PTPRN2: variants seen among roughly 807,000 people sequenced by gnomAD.
PTPRN2 encodes receptor-type tyrosine-protein phosphatase N2.
Under a neutral mutation model 118.8 loss-of-function variants are expected in PTPRN2, and 74 were observed. The observed-to-expected ratio is 0.62, with a 90% confidence interval of 0.52 to 0.76. The LOEUF (loss-of-function observed/expected upper bound fraction) is 0.76, where lower values mean the gene tolerates loss of function less well. Among genes scored for constraint, PTPRN2 ranks in the 30% least tolerant of loss-of-function variants. The pLI, the probability that PTPRN2 is intolerant of heterozygous loss-of-function variation, is 0.00. For missense variants in PTPRN2, 1,481 were observed against 1,394.4 expected, an observed-to-expected ratio of 1.06 and a Z score of -0.99; for synonymous variants, 641 against 608.0, an observed-to-expected ratio of 1.05 and a Z score of -0.80.
rs191181035 is a variant in PTPRN2 at position 158,358,002 on chromosome 7, T to C, written c.164-41070A>G. Among the ~76,000 whole-genome samples the C allele has an allele frequency of 5.9e-5, 9 of 152,384 alleles. No individual in the cohort carries two copies. In the East Asian group the frequency reaches 1.7e-3, roughly 29 times the overall value. On this transcript the variant is annotated intron_variant, in intron 2 of 22. Coordinates refer to ENST00000389418, the MANE Select transcript of PTPRN2 (RefSeq NM_002847.5). ...GTCTCTGTTTCTCTCTTTCTGTCTCTGTCTCTCTCTTTTTCTCTCTCTGGC... is the reference window on the plus strand; with the variant it reads ...GTCTCTGTTTCTCTCTTTCTGTCTCCGTCTCTCTCTTTTTCTCTCTCTGGC...
intron 1 of PTPRN2, among the ~76,000 whole-genome samples, chr7:158,513,603 C>T (rs1823326593): frequency 8.4e-6 from 1 of 118,598 alleles, no homozygotes; most frequent in African/African-American, 3.4e-5. Context: ...TAAAACTGTC[C>T]TGAAAAATAG....
chr7:157,938,905 T>C (rs1399279836), intron 11 of PTPRN2, among the ~76,000 whole-genome samples: 1 of 152,190 alleles, frequency 6.6e-6, no homozygotes, highest in East Asian at 1.9e-4. Context: ...ATATCAGTGC[T>C]GAAGTAAGGA....
chr7:157,575,799 T>A (rs538974578), intron 19 of PTPRN2, among the ~76,000 whole-genome samples: 46 of 152,362 alleles, frequency 3.0e-4, no homozygotes, highest in African/African-American at 1.1e-3. Context: ...CTTGTTTGGA[T>A]ATTTGTCTCT....
chr7:158,569,552 C>T (rs865933877), intron 1 of PTPRN2, among the ~76,000 whole-genome samples: 1 of 152,208 alleles, frequency 6.6e-6, no homozygotes, highest in Non-Finnish European at 1.5e-5. Context: ...CTGCTGGGCC[C>T]CTCACCAGGA....
At chr7:158,277,109 G>GCA (rs373983324) in intron 3 of PTPRN2, among the ~76,000 whole-genome samples, 14 of 148,254 alleles carry the variant, frequency 9.4e-5, no homozygotes, top group Non-Finnish European at 1.5e-4. Context: ...TCACACACGT[G>GCA]CACACACACA....
At chr7:157,708,100 C>T (rs1329154588) in intron 12 of PTPRN2, among the ~76,000 whole-genome samples, 2 of 152,250 alleles carry the variant, frequency 1.3e-5, no homozygotes, top group African/African-American at 4.8e-5. Context: ...GGAAGGGTCC[C>T]TGTAAGCAGG....
chr7:158,548,321 A>G (rs1406489884), intron 1 of PTPRN2, among the ~76,000 whole-genome samples: 1 of 152,216 alleles, frequency 6.6e-6, no homozygotes, highest in Non-Finnish European at 1.5e-5. Context: ...TTACCAGGAA[A>G]TGTTAGCAGA....
chr7:158,521,092 G>A (rs140664613), intron 1 of PTPRN2, among the ~76,000 whole-genome samples: 11 of 152,328 alleles, frequency 7.2e-5, no homozygotes, highest in Admixed American at 5.9e-4. Flanking sequence ...TCCTGCAGAC[G>A]CAGTGACTTC....
chr7:158,206,982 CAG>C (rs1194849733), intron 3 of PTPRN2, among the ~76,000 whole-genome samples: 1 of 130,578 alleles, frequency 7.7e-6, no homozygotes, highest in Non-Finnish European at 1.6e-5. Flanking sequence ...CAACAGTCCC[CAG>C]AGTGTGATGT....
At chr7:158,154,864 A>C (rs937791619) in intron 6 of PTPRN2, among the ~76,000 whole-genome samples, 1 of 152,208 alleles carries the variant, frequency 6.6e-6, no homozygotes, top group African/African-American at 2.4e-5. Context: ...CCACACACAC[A>C]GCATTTTATG....
chr7:158,118,769 G>A lies in PTPRN2; in HGVS notation c.1557-7854C>T, dbSNP rs564193251. Among the ~76,000 whole-genome samples the A allele has an allele frequency of 1.5e-4, 23 of 152,156 alleles. 1 individual carries two copies. The highest frequency in any genetic ancestry group is 3.4e-4 in the African/African-American group (14 of 41,494). ...CAGGCTGGAGTGCAGTGGCATGATCGTTGCTCACTGCAGCCTCAACCTTTC... is the reference window on the plus strand; with the variant it reads ...CAGGCTGGAGTGCAGTGGCATGATCATTGCTCACTGCAGCCTCAACCTTTC... On this transcript the variant is annotated intron_variant, in intron 9 of 22. Transcript: ENST00000389418.
intron 10 of PTPRN2, among the ~76,000 whole-genome samples, chr7:158,097,757 T>A (rs1390289376): frequency 6.6e-6 from 1 of 152,228 alleles, no homozygotes; most frequent in East Asian, 1.9e-4. Context: ...CACATGCTAA[T>A]GCAGTTTTAA....
At chr7:158,296,729 C>T (rs933052171) in intron 3 of PTPRN2, among the ~76,000 whole-genome samples, 9 of 152,236 alleles carry the variant, frequency 5.9e-5, no homozygotes, top group South Asian at 2.1e-4. Flanking sequence ...CTCCATCGCA[C>T]GCCCTGTGAG....
intron 11 of PTPRN2, among the ~76,000 whole-genome samples, chr7:157,909,339 C>T (rs924052020): frequency 2.6e-5 from 4 of 152,282 alleles, no homozygotes; most frequent in Non-Finnish European, 5.9e-5. Context: ...CACTTGCCCT[C>T]TGGCCTTGGG....
At chr7:157,797,128 T>C (rs28431385) in intron 12 of PTPRN2, among the ~76,000 whole-genome samples, 3,775 of 152,312 alleles carry the variant, frequency 0.025, 160 homozygotes, top group African/African-American at 0.086. Context: ...CCCACGGCTG[T>C]GTCATCCCGG....
At chr7:157,737,004 C>T (rs1246105874) in intron 12 of PTPRN2, among the ~76,000 whole-genome samples, 7 of 152,138 alleles carry the variant, frequency 4.6e-5, no homozygotes, top group East Asian at 1.9e-4. Context: ...AGAGGCTTCC[C>T]GAGTCTCCCG....
At chr7:158,424,037 G>A (rs2129424500) in intron 2 of PTPRN2, among the ~76,000 whole-genome samples, 1 of 152,230 alleles carries the variant, frequency 6.6e-6, no homozygotes, top group African/African-American at 2.4e-5. Flanking sequence ...CAGCTCCAAG[G>A]TCTCCGAGCA....
rs17853262 is a variant in PTPRN2, at chr7:157,656,375, G to A, written c.2178C>T (p.Ser726=). The A allele has an allele frequency of 6.4e-7, 1 of 1,550,908 alleles. No homozygotes were observed. The highest frequency in any genetic ancestry group is 1.2e-5 in the South Asian group (1 of 84,106). ...EEPVQSNMDI[S]TGHMILSYME... Reference sequence around the variant, plus strand: ...GGCTTACCAGGATCATGTGGCCGGTGGAGATGTCCATGTTGGACTGCACAG... The same window carrying A: ...GGCTTACCAGGATCATGTGGCCGGTAGAGATGTCCATGTTGGACTGCACAG... Residue 726 remains serine (S), a synonymous_variant, in exon 14 of 23, where the codon TCC becomes TCT. Coordinates refer to ENST00000389418, the MANE Select transcript of PTPRN2 (RefSeq NM_002847.5).
At chr7:157,965,888 TG>T (rs980758871) in intron 11 of PTPRN2, among the ~76,000 whole-genome samples, 50 of 152,268 alleles carry the variant, frequency 3.3e-4, no homozygotes, top group African/African-American at 1.2e-3. Context: ...CAAATAAGTG[TG>T]GGAAATCCAG....
Sources: allele counts gnomAD v4.1 joint callset (sites outside exome capture counted in the v4.1 genomes callset), GRCh38; gene constraint gnomAD v4.1.1; transcripts MANE v1.5; gene names NCBI Gene and HGNC (gene_info 2026-07-23, HGNC 2026-07-21).